PIGG: variants seen among roughly 807,000 people sequenced by gnomAD.
PIGG encodes the protein GPI ethanolamine phosphate transferase 2, catalytic subunit.
In PIGG, 70 loss-of-function variants were observed where a neutral mutation model predicts 83.2. That is an observed-to-expected ratio of 0.84 (90% confidence interval 0.69 to 1.03). PIGG has a LOEUF of 1.03. Among genes scored for constraint, PIGG ranks in the 50% least tolerant of loss-of-function variants. PIGG has a pLI of 0.00. For missense variants in PIGG, 1,257 were observed against 1,233.6 expected (o/e 1.02, Z -0.28); for synonymous variants, 532 against 519.5 (o/e 1.02, Z -0.33).
chr4:539,583 T>C lies in PIGG; in HGVS notation c.*214T>C. 1 of 537,418 alleles carries C rather than the reference T, an allele frequency of 1.9e-6. No individual in the cohort carries two copies. Among genetic ancestry groups the C allele is most frequent in the South Asian group, 2.4e-5 (1 of 42,438 alleles). The allele number at this position is 537,418 out of a possible 1,614,324, so 33.3% of individuals were successfully genotyped here. On this transcript the variant is annotated 3_prime_UTR_variant, in exon 13 of 13. Transcript: ENST00000453061. ...CAATCACTCTAGAAGCTTCTGAACT[T>C]TTAATTTCCTCTGAATAAGCTATGG...
Position 499,354 on chromosome 4 carries a change from A to G in PIGG, c.19A>G (p.Thr7Ala). The change falls in exon 1 of 13, where the codon ACT (threonine) becomes GCT (alanine). Residue 7 changes from threonine (T) to alanine (A), a missense_variant. Thr to Ala is a moderately conservative substitution (Grantham distance 58, BLOSUM62 0). Transcript: ENST00000453061. Reference sequence around the variant, plus strand: ...GTCCACGATGCGGCTGGGCTCCGGGACTTTCGCTACCTGTTGCGTAGCGAT... The same window carrying G: ...GTCCACGATGCGGCTGGGCTCCGGGGCTTTCGCTACCTGTTGCGTAGCGAT... MRLGSG[T>A]FATCCVAIEV... 6.2e-7 allele frequency: 1 copy of G among 1,609,050 alleles called. No homozygotes were observed. The highest frequency in any genetic ancestry group is 1.1e-5 in the South Asian group (1 of 90,970).
intron 5 of PIGG, among the ~76,000 whole-genome samples, chr4:509,650 G>C (rs1690509669): frequency 6.6e-6 from 1 of 152,252 alleles, no homozygotes; most frequent in Non-Finnish European, 1.5e-5. Context: ...CCTTAGTGCT[G>C]CTGGTCCCGT....
At position 539,153 on chromosome 4, in the gene PIGG, T is replaced by A; in HGVS notation, c.2736T>A (p.Ser912Arg). 6.3e-7 allele frequency: 1 copy of A among 1,596,368 alleles called. No homozygotes were observed. ...LVHFLSSETR[S>R]GSALSHACFC... ...TACACATTTTCTTTCTTATTAACAGTGGTTCAGCACTGAGTCATGCTTGCT... is the reference window on the plus strand; with the variant it reads ...TACACATTTTCTTTCTTATTAACAGAGGTTCAGCACTGAGTCATGCTTGCT... The change falls in exon 13 of 13, where the codon AGT (serine) becomes AGA (arginine). Residue 912 changes from serine to arginine, a missense_variant and splice_region_variant. By Grantham distance (110) the Ser-to-Arg change is moderately radical. Transcript: ENST00000453061.
intron 9 of PIGG, among the ~76,000 whole-genome samples, 184 bp downstream of exon 9, chr4:524,097 A>T (rs1009522623): frequency 2.6e-5 from 4 of 152,260 alleles, no homozygotes; most frequent in Admixed American, 2.0e-4. Context: ...CAATGTTGAG[A>T]AGTGAATTTA....
intron 6 of PIGG, among the ~76,000 whole-genome samples, chr4:518,878 C>T (rs879756602): frequency 1.3e-5 from 2 of 152,150 alleles, no homozygotes; most frequent in Admixed American, 6.5e-5. Context: ...CAGCCAGGCC[C>T]GTGCAGTCCC....
At chr4:525,021 G>C (rs527992171) in intron 9 of PIGG, 26 of 165,584 alleles carry the variant, frequency 1.6e-4, no homozygotes, top group Non-Finnish European at 2.1e-4. Flanking sequence ...CATTCCCCCA[G>C]ACCCCTATCC....
rs1481096490 is a variant in PIGG, at chr4:530,518, G to A, written c.2344G>A (p.Val782Ile). The A allele has an allele frequency of 3.1e-6, 5 of 1,613,354 alleles. No homozygotes were observed. Among genetic ancestry groups the A allele is most frequent in the African/African-American group, 2.7e-5 (2 of 74,908 alleles). Residue 782 changes from valine (V) to isoleucine (I), a missense_variant, in exon 11 of 13, where the codon GTC becomes ATC. By Grantham distance (29) the Val-to-Ile change is conservative. Transcript: ENST00000453061. ...CACCAAAGACTTACTTAAATCTCAAGTCATTGCTGCAGACTTCAAACTCAA... is the reference window on the plus strand; with the variant it reads ...CACCAAAGACTTACTTAAATCTCAAATCATTGCTGCAGACTTCAAACTCAA... ...TGTKDLLKSQ[V>I]IAADFKLKTV...
At chr4:527,787 G>A (rs946192545) in intron 10 of PIGG, 38 of 985,332 alleles carry the variant, frequency 3.9e-5, no homozygotes, top group Non-Finnish European at 4.5e-5. Flanking sequence ...TTGTGTCAAA[G>A]CAACTGTGTT....
chr4:506,410 A>G (rs564924602), intron 3 of PIGG, among the ~76,000 whole-genome samples: 1 of 152,246 alleles, frequency 6.6e-6, no homozygotes, highest in African/African-American at 2.4e-5. Context: ...AGCTTTTCCA[A>G]CAAAAATTAG....
chr4:521,241 T>G lies in PIGG; in HGVS notation c.1300T>G (p.Ser434Ala), dbSNP rs1177329208. ...ACAAGTGGCCCAGTACGACATCTATTCGATGATGGTGGGGACTGTCGTGGT... is the reference window on the plus strand; with the variant it reads ...ACAAGTGGCCCAGTACGACATCTATGCGATGATGGTGGGGACTGTCGTGGT... ...SAQVAQYDIY[S>A]MMVGTVVVLE... Residue 434 changes from serine (S) to alanine (A), a missense_variant, in exon 7 of 13, where the codon TCG becomes GCG. Ser to Ala is a moderately conservative substitution (Grantham distance 99, BLOSUM62 1). Transcript: ENST00000453061. 2 of 1,613,994 alleles carry G rather than the reference T, an allele frequency of 1.2e-6. No homozygotes were observed. Among genetic ancestry groups the G allele is most frequent in the Admixed American group, 3.3e-5 (2 of 60,018 alleles).
At chr4:503,184 G>T (rs1718359598) in intron 2 of PIGG, among the ~76,000 whole-genome samples, 1 of 152,192 alleles carries the variant, frequency 6.6e-6, no homozygotes, top group African/African-American at 2.4e-5. Flanking sequence ...AATACAGGTT[G>T]ACTGAGCTGG....
intron 4 of PIGG, among the ~76,000 whole-genome samples, chr4:508,610 G>A (rs1720750680): frequency 6.6e-6 from 1 of 152,234 alleles, no homozygotes; most frequent in Non-Finnish European, 1.5e-5. Flanking sequence ...GCAGCCTGCT[G>A]TGCTCCATGA....
At chr4:518,332 G>A (rs1486392257) in intron 6 of PIGG, among the ~76,000 whole-genome samples, 21 of 152,202 alleles carry the variant, frequency 1.4e-4, no homozygotes, top group African/African-American at 4.8e-4. Context: ...GGTGGCTCAC[G>A]CCTGTCATCC....
intron 8 of PIGG, chr4:522,339 TCAGGAGGGTCAAAAGGA>T: frequency 4.9e-6 from 2 of 404,290 alleles, no homozygotes; most frequent in South Asian, 3.8e-5. Flanking sequence ...GCCTGGACAC[TCAGGAGGGTCAAAAGGA>T]GACTTGGTCG....
chr4:507,672 T>A, intron 4 of PIGG, 79 bp downstream of exon 4: 1 of 1,247,752 alleles, frequency 8.0e-7, no homozygotes, highest in Non-Finnish European at 1.1e-6. Flanking sequence ...CCGCCTGAGT[T>A]ATTCAGGGTG....
At chr4:521,514 C>A in intron 7 of PIGG, 146 bp from the exon 8 acceptor site, 3 of 796,808 alleles carry the variant, frequency 3.8e-6, no homozygotes, top group South Asian at 3.8e-5. Context: ...CATTTTGGGG[C>A]AGTTAATTAG....
intron 9 of PIGG, chr4:525,217 T>G (rs1228559518): frequency 1.4e-5 from 14 of 985,274 alleles, no homozygotes; most frequent in Non-Finnish European, 1.7e-5. Context: ...AGCCTTTCAT[T>G]GGCGACTGGA....
chr4:503,611 C>A (rs1437307816), intron 2 of PIGG, among the ~76,000 whole-genome samples: 1 of 152,156 alleles, frequency 6.6e-6, no homozygotes, highest in Non-Finnish European at 1.5e-5. Context: ...AGTGGCACTT[C>A]CATAGGAAGC....
At chr4:526,364 C>T (rs189970108) in intron 9 of PIGG, among the ~76,000 whole-genome samples, 3 of 152,236 alleles carry the variant, frequency 2.0e-5, no homozygotes, top group Non-Finnish European at 4.4e-5. Flanking sequence ...GGAGCCCGGC[C>T]TTCCCCACCC....
Sources: allele counts gnomAD v4.1 joint callset (sites outside exome capture counted in the v4.1 genomes callset), GRCh38; gene constraint gnomAD v4.1.1; transcripts MANE v1.5; gene names NCBI Gene and HGNC (gene_info 2026-07-23, HGNC 2026-07-21).